The following NIPA2 variants were observed in gnomAD, a reference collection of about 807,000 sequenced individuals.
The protein encoded by NIPA2 is NIPA magnesium transporter 2, also known as magnesium transporter NIPA2.
NIPA2 carries 11 observed loss-of-function variants against 29.7 expected under a neutral mutation model. The observed-to-expected ratio is 0.37, with a 90% CI of 0.23 to 0.61. The LOEUF (loss-of-function observed/expected upper bound fraction) is 0.61. Ranked by LOEUF, NIPA2 falls within the 20% of genes least tolerant of loss-of-function variation. The pLI is 0.66. For synonymous variants in NIPA2, 183 were observed against 161.9 expected, an observed-to-expected ratio of 1.13 and a Z score of -0.99; for missense variants, 426 against 437.9, an observed-to-expected ratio of 0.97 and a Z score of 0.24.
At chr15:22,856,130 T>C (rs764836869) in intron 5 of NIPA2, among the ~76,000 whole-genome samples, 6 of 152,158 alleles carry the variant, frequency 3.9e-5, no homozygotes, top group Non-Finnish European at 7.4e-5. Flanking sequence ...GCTCTCACTG[T>C]GCCAGGACCT....
Position 22,868,175 on chromosome 15 carries a change from T to G in NIPA2, c.*1328T>G, listed in dbSNP as rs3693. ...CGTGGAAACTCCCTTTTTTCCAACT[T>G]TATTATTGGCCTTCTAAGGAGCTGT... On this transcript the variant is annotated 3_prime_UTR_variant, in exon 8 of 8. Coordinates refer to ENST00000337451, the MANE Select transcript of NIPA2 (RefSeq NM_030922.7). The G allele has an allele frequency of 0.39, 59,096 of 152,114 alleles. 11,774 individuals are homozygous for G. The highest frequency in any genetic ancestry group is 0.48 in the Middle Eastern group (140 of 294). 9.4% of individuals were successfully genotyped at this position (152,114 alleles called of 1,614,324 possible).
At position 22,866,729 on chromosome 15, in the gene NIPA2, G is replaced by A; in HGVS notation, c.965G>A (p.Gly322Asp). 1 of 1,614,044 alleles carries A rather than the reference G, an allele frequency of 6.2e-7. No individual in the cohort carries two copies. Reference sequence around the variant, plus strand: ...CGAAAAGACGAGAAAGCAATGAATGGCAATCTCTCTAATATGTATGAAGTT... The same window carrying A: ...CGAAAAGACGAGAAAGCAATGAATGACAATCTCTCTAATATGTATGAAGTT... ...SFRKDEKAMN[G>D]NLSNMYEVLN... Residue 322 changes from glycine (G) to aspartate (D), a missense_variant, in exon 8 of 8, where the codon GGC (glycine) becomes GAC (aspartate). Around this residue, in one of 3 missense-constraint regions of NIPA2, gnomAD observed 357 missense variants for 339.8 expected, o/e 1.05. Transcript: ENST00000337451.
Position 22,866,326 on chromosome 15 carries a change from A to G in NIPA2, c.562A>G (p.Ile188Val). 1.2e-6 allele frequency: 2 copies of G among 1,614,032 alleles called. No individual in the cohort carries two copies. The highest frequency in any genetic ancestry group is 1.7e-6 in the Non-Finnish European group (2 of 1,179,990). Residue 188 changes from isoleucine to valine, a missense_variant, in exon 8 of 8, where the codon ATC (isoleucine) becomes GTC (valine). By Grantham distance (29) the Ile-to-Val change is conservative (BLOSUM62 3). Transcript: ENST00000337451. ...ILVYITICSV[I>V]GAFSVSCVKG... is the part of the protein sequence containing the mutation. ...TGTGTACATAACAATCTGCTCTGTA[A>G]TCGGCGCGTTTTCAGTCTCCTGTGT...
intron 4 of NIPA2, 108 bp from the exon 5 acceptor site, chr15:22,853,100 CTTTA>C: frequency 2.9e-6 from 2 of 695,328 alleles, no homozygotes; most frequent in Non-Finnish European, 4.9e-6. Context: ...ATGCAGAAAC[CTTTA>C]TTTAAAGGAG....
rs1485495708 is a variant in NIPA2, at chr15:22,867,077, G to T, written c.*230G>T. 4.0e-6 allele frequency: 2 copies of T among 504,410 alleles called. No individual in the cohort carries two copies. Among genetic ancestry groups the T allele is most frequent in the Non-Finnish European group, 6.9e-6 (2 of 290,276 alleles). The allele number at this position is 504,410 out of a possible 1,614,324, so 31.2% of individuals were successfully genotyped here. A position where few individuals can be genotyped will look rare whatever the true frequency, so the allele number is the denominator to read the frequency against. ...TTTCTATTAACATTTTATTGTTGTA[G>T]AAGTATTTTACATTTTCATCCCTTC... is the stretch of plus-strand genomic sequence containing the variant. On this transcript the variant is annotated 3_prime_UTR_variant, in exon 8 of 8. Transcript: ENST00000337451.
At chr15:22,847,412 A>G (rs1566827437) in intron 3 of NIPA2, among the ~76,000 whole-genome samples, 1 of 152,172 alleles carries the variant, frequency 6.6e-6, no homozygotes, top group Non-Finnish European at 1.5e-5. Context: ...TAGAACTTGC[A>G]TGATAATTAA....
chr15:22,842,494 C>A (rs1457583303), intron 2 of NIPA2, among the ~76,000 whole-genome samples: 1 of 151,024 alleles, frequency 6.6e-6, no homozygotes, highest in East Asian at 1.9e-4. Flanking sequence ...TCGAGACCAT[C>A]CTGGCTAACA....
chr15:22,855,531 T>A (rs1211884326), intron 5 of NIPA2, among the ~76,000 whole-genome samples: 4 of 151,834 alleles, frequency 2.6e-5, no homozygotes, highest in Non-Finnish European at 5.9e-5. Flanking sequence ...GATACATCAG[T>A]GAGAGGAAAA....
intron 3 of NIPA2, among the ~76,000 whole-genome samples, chr15:22,850,982 C>G (rs572864544): frequency 6.6e-6 from 1 of 152,174 alleles, no homozygotes; most frequent in Non-Finnish European, 1.5e-5. Flanking sequence ...TTTGGAAAAA[C>G]AATTGCAGTC....
At chr15:22,858,270 T>C (rs1240359452) in intron 5 of NIPA2, among the ~76,000 whole-genome samples, 1 of 152,068 alleles carries the variant, frequency 6.6e-6, no homozygotes, top group Non-Finnish European at 1.5e-5. Flanking sequence ...GGCGAGTGCC[T>C]GCGGTCCCAG....
rs191489923 is a variant in NIPA2 at position 22,863,816 on chromosome 15, G to A, written c.449-2397G>A. Among the ~76,000 whole-genome samples the A allele has an allele frequency of 2.1e-3, 325 of 152,214 alleles. 2 individuals are homozygous for A. The highest frequency in any genetic ancestry group is 6.3e-3 in the African/African-American group (260 of 41,540). ...AGGGAGAAGGCAGAGGTGAGTGTTG[G>A]GCTGATTCTTCTCTTTTCTCTGGAT... is the stretch of plus-strand genomic sequence containing the variant. On this transcript the variant is annotated intron_variant, in intron 7 of 7. Coordinates refer to ENST00000337451, the MANE Select transcript of NIPA2 (RefSeq NM_030922.7).
intron 5 of NIPA2, among the ~76,000 whole-genome samples, chr15:22,856,646 TAAAG>T (rs978867902): frequency 2.0e-5 from 3 of 152,306 alleles, no homozygotes; most frequent in South Asian, 2.1e-4. Flanking sequence ...CTGAAATATA[TAAAG>T]AATTACCTTA....
At chr15:22,849,719 C>A (rs1041682580) in intron 3 of NIPA2, among the ~76,000 whole-genome samples, 3 of 152,058 alleles carry the variant, frequency 2.0e-5, no homozygotes, top group Non-Finnish European at 4.4e-5. Flanking sequence ...GCCACCACTT[C>A]CGGCTAATTT....
At chr15:22,844,690 A>G (rs1898125473) in intron 2 of NIPA2, among the ~76,000 whole-genome samples, 1 of 151,996 alleles carries the variant, frequency 6.6e-6, no homozygotes, top group African/African-American at 2.4e-5. Flanking sequence ...GGCATTTGAG[A>G]CAGCAGTGAG....
intron 7 of NIPA2, among the ~76,000 whole-genome samples, chr15:22,862,775 TCTTC>T (rs1199896994): frequency 1.3e-5 from 2 of 152,122 alleles, no homozygotes; most frequent in Admixed American, 1.3e-4. Flanking sequence ...TGATGTTTTT[TCTTC>T]CTTCAGAGAG....
rs577077375 is a variant in NIPA2, at chr15:22,845,153, C to A, written c.-208C>A. 1.3e-5 allele frequency: 2 copies of A among 152,280 alleles called. No individual in the cohort carries two copies. The highest frequency in any genetic ancestry group is 2.9e-5 in the Non-Finnish European group (2 of 68,036). The allele number at this position is 152,280 out of a possible 1,614,324, so 9.4% of individuals were successfully genotyped here. ...AAAATATCTCTGTTGCAGGCTCTCC[C>A]GGCTGTGATAGACCTTCAGTTACAG... On this transcript the variant is annotated 5_prime_UTR_variant, in exon 3 of 8. Coordinates refer to ENST00000337451, the MANE Select transcript of NIPA2 (RefSeq NM_030922.7).
chr15:22,866,726 A>G lies in NIPA2; in HGVS notation c.962A>G (p.Asn321Ser). Residue 321 changes from asparagine (N) to serine (S), a missense_variant, in exon 8 of 8, where the codon AAT (asparagine) becomes AGT (serine). Physicochemically the swap from Asn to Ser is conservative, Grantham distance 46. Coordinates refer to ENST00000337451, the MANE Select transcript of NIPA2 (RefSeq NM_030922.7). ...VSFRKDEKAM[N>S]GNLSNMYEVL... is the part of the protein sequence containing the mutation. Reference sequence around the variant, plus strand: ...TTTCGAAAAGACGAGAAAGCAATGAATGGCAATCTCTCTAATATGTATGAA... The same window carrying G: ...TTTCGAAAAGACGAGAAAGCAATGAGTGGCAATCTCTCTAATATGTATGAA... 3 of 1,614,120 alleles carry G rather than the reference A, an allele frequency of 1.9e-6. No homozygotes were observed. The highest frequency in any genetic ancestry group is 2.5e-6 in the Non-Finnish European group (3 of 1,179,968).
chr15:22,843,430 C>T (rs1367259006), intron 2 of NIPA2, among the ~76,000 whole-genome samples: 3 of 150,660 alleles, frequency 2.0e-5, no homozygotes, highest in Non-Finnish European at 4.4e-5. Flanking sequence ...GGCGTGAACC[C>T]GGGAGGCAGA....
Position 22,860,853 on chromosome 15 carries a change from G to A in NIPA2, c.448+64G>A, listed in dbSNP as rs539862623. 1.2e-5 allele frequency: 15 copies of A among 1,209,904 alleles called. No individual in the cohort carries two copies. In the South Asian group the frequency reaches 1.5e-4, roughly 12 times the overall value. The allele number at this position is 1,209,904 out of a possible 1,614,324, so 74.9% of individuals were successfully genotyped here. A position where few individuals can be genotyped will look rare whatever the true frequency, so the allele number is the denominator to read the frequency against. The stretch of plus-strand genomic sequence containing the variant: ...TTTTAACTTAGTTTTTACTTTAATC[G>A]AAATTTGATGAGCACATAAGGAAAG... On this transcript the variant is annotated intron_variant, in intron 7 of 7. Transcript: ENST00000337451.
Sources: allele counts gnomAD v4.1 joint callset (sites outside exome capture counted in the v4.1 genomes callset), GRCh38; gene constraint gnomAD v4.1.1; regional missense constraint gnomAD v4.1.1; transcripts MANE v1.5; gene names NCBI Gene and HGNC (gene_info 2026-07-23, HGNC 2026-07-21).